The following EPCAM variants were observed in gnomAD, a reference collection of about 807,000 sequenced individuals.
EPCAM encodes adenocarcinoma-associated antigen.
In EPCAM, 39 loss-of-function variants were observed where a neutral mutation model predicts 40.0. That is an observed-to-expected ratio of 0.98 (90% CI 0.76 to 1.27). EPCAM has a LOEUF of 1.27. EPCAM is among the 50% of genes most tolerant of loss of function. EPCAM has a pLI of 0.00. For missense variants in EPCAM, 503 were observed against 381.2 expected (o/e 1.32, Z -2.66); for synonymous variants, 168 against 132.3 (o/e 1.27, Z -1.85).
Position 47,373,937 on chromosome 2 carries a change from T to A in EPCAM, c.314T>A (p.Phe105Tyr), listed in dbSNP as rs924742537. The change falls in exon 3 of 9, where the codon TTT becomes TAT. Residue 105 changes from phenylalanine to tyrosine, a missense_variant. By Grantham distance (22) the Phe-to-Tyr change is conservative. Coordinates refer to ENST00000263735, the MANE Select transcript of EPCAM (RefSeq NM_002354.3). ...YDPDCDESGLFKAKQCNGTSM... is the reference protein window; with the variant it reads ...YDPDCDESGLYKAKQCNGTSM... Reference sequence around the variant, plus strand: ...CCTGACTGCGATGAGAGCGGGCTCTTTAAGGCCAAGCAGTGCAACGGCACC... The same window carrying A: ...CCTGACTGCGATGAGAGCGGGCTCTATAAGGCCAAGCAGTGCAACGGCACC... 2.5e-6 allele frequency: 4 copies of A among 1,613,908 alleles called. No individual in the cohort carries two copies. The highest frequency in any genetic ancestry group is 1.3e-5 in the African/African-American group (1 of 74,882).
chr2:47,379,155 C>T (rs1671508405), intron 6 of EPCAM, 101 bp downstream of exon 6: 4 of 747,778 alleles, frequency 5.3e-6, no homozygotes, highest in African/African-American at 3.5e-5. Context: ...TACAGATCAA[C>T]CAAATGGTTC....
intron 4 of EPCAM, among the ~76,000 whole-genome samples, chr2:47,376,287 C>T (rs552942656): frequency 7.0e-6 from 1 of 142,632 alleles, no homozygotes; most frequent in Admixed American, 7.0e-5. Context: ...TGGAGTTTTC[C>T]CTTTTGTTGC....
rs148775738 is a variant in EPCAM, at chr2:47,377,481, T to A, written c.555+404T>A. ...CGAACTCCTGGCCTCAAGTGATCTG[T>A]CTGCCTCAGCCTCTCAAAGTGTTGG... is the stretch of plus-strand genomic sequence containing the variant. On this transcript the variant is annotated intron_variant, in intron 5 of 8. Coordinates refer to ENST00000263735, the MANE Select transcript of EPCAM (RefSeq NM_002354.3). Among the ~76,000 whole-genome samples, 60 of 152,110 alleles carry A rather than the reference T, an allele frequency of 3.9e-4. 2 individuals are homozygous for A. The East Asian group carries it at 0.011, about 29-fold the overall frequency.
intron 8 of EPCAM, 40 bp from the exon 9 acceptor site, chr2:47,386,532 A>C (rs748404077): frequency 3.3e-6 from 5 of 1,520,978 alleles, no homozygotes; most frequent in South Asian, 1.2e-5. Flanking sequence ...AAGATTGAAA[A>C]ATTATTTAGA....
intron 1 of EPCAM, among the ~76,000 whole-genome samples, chr2:47,370,362 C>T (rs1003167927): frequency 6.6e-6 from 1 of 151,190 alleles, no homozygotes; most frequent in African/African-American, 2.4e-5. Flanking sequence ...ACTTTCGCCT[C>T]CCGGGTTCAA....
chr2:47,381,235 A>G (rs1671580462), intron 7 of EPCAM, among the ~76,000 whole-genome samples: 1 of 151,614 alleles, frequency 6.6e-6, no homozygotes, highest in Non-Finnish European at 1.5e-5. Context: ...CATCTCTACT[A>G]AAAATACAAA....
rs886056129 is a variant in EPCAM at position 47,369,344 on chromosome 2, T to A, written c.-162T>A. On this transcript the variant is annotated 5_prime_UTR_variant, in exon 1 of 9. Coordinates refer to ENST00000263735, the MANE Select transcript of EPCAM (RefSeq NM_002354.3). ...CTAGTCCTTCGGCGAGCGAGCACCT[T>A]CGACGCGGTCCGGGGACCCCCTCGT... 4.0e-6 allele frequency: 5 copies of A among 1,262,956 alleles called. No homozygotes were observed. Among genetic ancestry groups the A allele is most frequent in the Non-Finnish European group, 5.2e-6 (5 of 965,938 alleles). 78.2% of individuals were successfully genotyped at this position (1,262,956 alleles called of 1,614,324 possible).
At chr2:47,370,876 C>A (rs1415009782) in intron 1 of EPCAM, among the ~76,000 whole-genome samples, 1 of 152,044 alleles carries the variant, frequency 6.6e-6, no homozygotes, top group Non-Finnish European at 1.5e-5. Flanking sequence ...CCACCACGGT[C>A]AGCTAATTTG....
chr2:47,380,502 A>T (rs1671557971), intron 7 of EPCAM, among the ~76,000 whole-genome samples: 1 of 152,212 alleles, frequency 6.6e-6, no homozygotes, highest in Non-Finnish European at 1.5e-5. Flanking sequence ...GTGGCTGTGC[A>T]CCTCACAGGC....
chr2:47,385,459 A>G (rs1464135905), intron 8 of EPCAM, among the ~76,000 whole-genome samples: 1 of 152,184 alleles, frequency 6.6e-6, no homozygotes, highest in Non-Finnish European at 1.5e-5. Flanking sequence ...TTATTCTACA[A>G]AGAGTCAACA....
At chr2:47,371,289 C>T (rs6756947) in intron 1 of EPCAM, among the ~76,000 whole-genome samples, 2,984 of 152,246 alleles carry the variant, frequency 0.02, 99 homozygotes, top group African/African-American at 0.068. Flanking sequence ...GAAACAGTGT[C>T]TCCGTCTGTC....
At chr2:47,371,595 C>G (rs998189200) in intron 1 of EPCAM, among the ~76,000 whole-genome samples, 1 of 152,198 alleles carries the variant, frequency 6.6e-6, no homozygotes. Context: ...TCTGGGACTA[C>G]GTACTTAATG....
At position 47,373,562 on chromosome 2, in the gene EPCAM, G is replaced by T. The variant is rs1290177872; in HGVS notation, c.176G>T (p.Cys59Phe). Residue 59 changes from cysteine to phenylalanine, a missense_variant, in exon 2 of 9, where the codon TGC becomes TTC. By Grantham distance (205) the Cys-to-Phe change is radical (BLOSUM62 -2). Coordinates refer to ENST00000263735, the MANE Select transcript of EPCAM (RefSeq NM_002354.3). ...GTTGGTGCACAAAATACTGTCATTTGCTCAAAGCGTGAGTAAAATATCCTA... is the reference window on the plus strand; with the variant it reads ...GTTGGTGCACAAAATACTGTCATTTTCTCAAAGCGTGAGTAAAATATCCTA... ...TSVGAQNTVICSKLAAKCLVM... is the reference protein window; with the variant it reads ...TSVGAQNTVIFSKLAAKCLVM... 1 of 1,606,866 alleles carries T rather than the reference G, an allele frequency of 6.2e-7. No individual in the cohort carries two copies. The highest frequency in any genetic ancestry group is 1.1e-5 in the South Asian group (1 of 90,926).
At chr2:47,369,609 GGAGCT>G in intron 1 of EPCAM, 28 bp downstream of exon 1, 1 of 1,575,858 alleles carries the variant, frequency 6.3e-7, no homozygotes, top group Non-Finnish European at 8.6e-7. Flanking sequence ...GCAGAGTTGT[GGAGCT>G]GGGCTGGGCT....
intron 4 of EPCAM, 74 bp from the exon 5 acceptor site, chr2:47,376,940 C>A (rs1671442395): frequency 1.0e-6 from 1 of 1,002,782 alleles, no homozygotes; most frequent in Non-Finnish European, 1.6e-6. Context: ...GAGCTGTCTG[C>A]TTAAAGAGTA....
At position 47,373,215 on chromosome 2, in the gene EPCAM, A is replaced by C. The variant is rs113124279; in HGVS notation, c.77-248A>C. 0.083 allele frequency among the ~76,000 whole-genome samples: 11,792 copies of C among 141,402 alleles called. 701 individuals are homozygous for C. The highest frequency in any genetic ancestry group is 0.22 in the East Asian group (1,088 of 4,894). 92.8% of individuals were successfully genotyped at this position (141,402 alleles called of 152,430 possible). On this transcript the variant is annotated intron_variant, in intron 1 of 8. Coordinates refer to ENST00000263735, the MANE Select transcript of EPCAM (RefSeq NM_002354.3). Reference sequence around the variant, plus strand: ...GTGAGACCCTATCTTTAAAAAAAAAAAAAAAAAAAAAAAAAAAAAACAGGA... The same window carrying C: ...GTGAGACCCTATCTTTAAAAAAAAACAAAAAAAAAAAAAAAAAAAACAGGA...
At chr2:47,372,308 A>G (rs907644944) in intron 1 of EPCAM, among the ~76,000 whole-genome samples, 2 of 152,092 alleles carry the variant, frequency 1.3e-5, no homozygotes, top group Non-Finnish European at 2.9e-5. Context: ...GGATTCACAG[A>G]TCCTAGAATT....
chr2:47,371,763 G>T (rs1558434067), intron 1 of EPCAM, among the ~76,000 whole-genome samples: 1 of 152,188 alleles, frequency 6.6e-6, no homozygotes, highest in Non-Finnish European at 1.5e-5. Flanking sequence ...TTGAGAACAA[G>T]TGCTGTATTT....
intron 7 of EPCAM, 141 bp downstream of exon 7, chr2:47,380,110 G>C (rs915632741): frequency 7.2e-7 from 1 of 1,386,676 alleles, no homozygotes; most frequent in Non-Finnish European, 9.9e-7. Context: ...GAGCCCAGGA[G>C]TTTGAGACCA....
Sources: allele counts gnomAD v4.1 joint callset (sites outside exome capture counted in the v4.1 genomes callset), GRCh38; gene constraint gnomAD v4.1.1; transcripts MANE v1.5; gene names NCBI Gene and HGNC (gene_info 2026-07-23, HGNC 2026-07-21).